Variants in SYNJ2 observed in about 807,000 individuals in gnomAD.
The protein encoded by SYNJ2 is polyphosphatidylinositol phosphatase SYNJ2.
In SYNJ2, 116 loss-of-function variants were observed where a neutral mutation model predicts 141.3. The observed-to-expected ratio is 0.82, with a 90% CI of 0.71 to 0.96. The LOEUF (loss-of-function observed/expected upper bound fraction) is 0.96. Ranked by LOEUF, SYNJ2 falls within the 40% of genes least tolerant of loss-of-function variation. The pLI is 0.00. For synonymous variants in SYNJ2, 745 were observed against 777.7 expected, an observed-to-expected ratio of 0.96 and a Z score of 0.70; for missense variants, 1,873 against 1,934.8, an observed-to-expected ratio of 0.97 and a Z score of 0.60.
At position 158,088,704 on chromosome 6, in the gene SYNJ2, T is replaced by C. The variant is rs1309371920; in HGVS notation, c.3388T>C (p.Ser1130Pro). The C allele has an allele frequency of 6.2e-7, 1 of 1,614,088 alleles. No homozygotes were observed. The highest frequency in any genetic ancestry group is 8.5e-7 in the Non-Finnish European group (1 of 1,180,000). ...KKSASDASIS[S>P]GTHGQYSILQ... ...GTCGGCTTCAGATGCGTCCATCTCC[T>C]CCGGCACCCATGGACAGTATTCAAT... The change falls in exon 24 of 27, where the codon TCC becomes CCC. Residue 1130 changes from serine to proline, a missense_variant. Ser to Pro is a moderately conservative substitution (Grantham distance 74). Transcript: ENST00000355585.
intron 1 of SYNJ2, among the ~76,000 whole-genome samples, chr6:158,006,722 G>A (rs1778084354): frequency 6.6e-6 from 1 of 152,194 alleles, no homozygotes; most frequent in Non-Finnish European, 1.5e-5. Context: ...GCCCTGGCTG[G>A]AGTGCAGTGG....
At position 158,095,990 on chromosome 6, in the gene SYNJ2, G is replaced by C. The variant is rs747415759; in HGVS notation, c.4117G>C (p.Ala1373Pro). ...TGACAGCCCCTCTGGGCACCCACCT[G>C]CCGCGGGCACCGTCTTCCCACAAGG... is the stretch of plus-strand genomic sequence containing the variant. ...SSDSPSGHPP[A>P]AGTVFPQGDF... Residue 1373 changes from alanine (A) to proline (P), a missense_variant, in exon 27 of 27, where the codon GCC becomes CCC. Coordinates refer to ENST00000355585, the MANE Select transcript of SYNJ2 (RefSeq NM_003898.4). 2.5e-6 allele frequency: 4 copies of C among 1,614,194 alleles called. No homozygotes were observed. The South Asian group carries it at 4.4e-5, about 18-fold the overall frequency.
chr6:158,061,730 C>T (rs1451852423), intron 7 of SYNJ2, among the ~76,000 whole-genome samples: 1 of 152,212 alleles, frequency 6.6e-6, no homozygotes, highest in African/African-American at 2.4e-5. Context: ...GGAAGCCACA[C>T]CTGCTCTGGC....
intron 2 of SYNJ2, chr6:158,026,727 G>GT: frequency 1.7e-6 from 1 of 595,326 alleles, no homozygotes; most frequent in East Asian, 1.4e-4. Context: ...ACGGAGTGAT[G>GT]TCATGCAAAA....
At chr6:157,990,136 T>C (rs1294499314) in intron 1 of SYNJ2, among the ~76,000 whole-genome samples, 1 of 152,218 alleles carries the variant, frequency 6.6e-6, no homozygotes, top group Non-Finnish European at 1.5e-5. Context: ...GAGCAGCGGA[T>C]TCACTGGGAG....
intron 22 of SYNJ2, 53 bp from the exon 23 acceptor site, chr6:158,086,802 C>T (rs1783064165): frequency 6.3e-7 from 1 of 1,587,164 alleles, no homozygotes; most frequent in Non-Finnish European, 8.6e-7. Context: ...CCGTGTCTGA[C>T]ACGCTCACGT....
chr6:158,047,805 A>C (rs1390133284), intron 5 of SYNJ2, among the ~76,000 whole-genome samples: 19 of 133,564 alleles, frequency 1.4e-4, no homozygotes, highest in Non-Finnish European at 2.3e-4. Context: ...AAAAAAAAAA[A>C]CACACAGTAT....
Position 158,051,001 on chromosome 6 carries a change from A to G in SYNJ2, c.796-3966A>G, listed in dbSNP as rs1288326944. On this transcript the variant is annotated intron_variant, in intron 5 of 26. Transcript: ENST00000355585. ...ACTGCTGACTGATAGTGCAGTTTAT[A>G]TGTTAACGGGGGAGCTATAGAGCCT... is the stretch of plus-strand genomic sequence containing the variant. Among the ~76,000 whole-genome samples, 5 of 151,984 alleles carry G rather than the reference A, an allele frequency of 3.3e-5. No homozygotes were observed. In the East Asian group the frequency reaches 7.7e-4, roughly 23 times the overall value.
intron 15 of SYNJ2, among the ~76,000 whole-genome samples, chr6:158,072,547 A>C (rs942047169): frequency 4.6e-5 from 7 of 152,174 alleles, no homozygotes; most frequent in Admixed American, 4.6e-4. Context: ...GGGTTGGGTC[A>C]CAGAGCTCTT....
At chr6:158,046,716 C>T (rs1233589272) in intron 5 of SYNJ2, among the ~76,000 whole-genome samples, 3 of 152,138 alleles carry the variant, frequency 2.0e-5, no homozygotes, top group Non-Finnish European at 2.9e-5. Flanking sequence ...TTCTAGCAGC[C>T]GTGTACCTTT....
At chr6:158,064,065 C>T (rs1781401583) in intron 9 of SYNJ2, among the ~76,000 whole-genome samples, 193 bp downstream of exon 9, 2 of 152,210 alleles carry the variant, frequency 1.3e-5, no homozygotes. Context: ...CTTTCTCTGT[C>T]GTAGGCACAC....
chr6:158,077,363 TCC>T (rs1020366921), intron 17 of SYNJ2, among the ~76,000 whole-genome samples: 1 of 151,542 alleles, frequency 6.6e-6, no homozygotes, highest in African/African-American at 2.4e-5. Flanking sequence ...GCATCACAGC[TCC>T]CCCCCACACC....
chr6:158,070,268 T>C lies in SYNJ2; in HGVS notation c.1940+595T>C. On this transcript the variant is annotated intron_variant, in intron 14 of 26. Coordinates refer to ENST00000355585, the MANE Select transcript of SYNJ2 (RefSeq NM_003898.4). This position sits in a 1 kb window ranked among gnomAD's most constrained non-coding sequence, Gnocchi z 4.0. ...TGGGCCTACCCATGGCTTTTGAATT[T>C]CCACCAGCCTTTCGGCGAGCTGGCA... is the stretch of plus-strand genomic sequence containing the variant. 1.0e-6 allele frequency: 1 copy of C among 985,428 alleles called. No homozygotes were observed. The highest frequency in any genetic ancestry group is 1.7e-5 in the African/African-American group (1 of 57,330). The allele number at this position is 985,428 out of a possible 1,614,324, so 61.0% of individuals were successfully genotyped here.
intron 1 of SYNJ2, among the ~76,000 whole-genome samples, chr6:158,003,309 C>T (rs755494473): frequency 2.2e-4 from 33 of 152,160 alleles, no homozygotes; most frequent in Admixed American, 1.6e-3. Flanking sequence ...TGTCTTGGCT[C>T]GCAGCTTCTG....
At chr6:158,065,031 G>A (rs1233379899) in intron 11 of SYNJ2, 40 bp downstream of exon 11, 14 of 1,484,074 alleles carry the variant, frequency 9.4e-6, no homozygotes, top group Admixed American at 2.3e-5. Context: ...GGGAGGTAGG[G>A]TGCTCCCCAG....
intron 2 of SYNJ2, among the ~76,000 whole-genome samples, chr6:158,019,448 G>A (rs1583328156): frequency 6.6e-6 from 1 of 152,214 alleles, no homozygotes; most frequent in African/African-American, 2.4e-5. Context: ...TCAGCTGTGG[G>A]AAATTGGTCC....
chr6:158,045,791 GC>G (rs1310932534), intron 5 of SYNJ2, among the ~76,000 whole-genome samples: 13 of 152,206 alleles, frequency 8.5e-5, no homozygotes, highest in Non-Finnish European at 1.8e-4. Flanking sequence ...CTCAGATGTA[GC>G]CTGACCCGCC....
intron 1 of SYNJ2, among the ~76,000 whole-genome samples, chr6:157,986,555 A>G (rs1044688939): frequency 2.0e-4 from 30 of 151,656 alleles, no homozygotes; most frequent in African/African-American, 6.5e-4. Context: ...GCTGGTCTCA[A>G]ACTCCTGGCC....
chr6:158,076,420 C>T (rs900247792), intron 16 of SYNJ2, among the ~76,000 whole-genome samples: 9 of 152,216 alleles, frequency 5.9e-5, no homozygotes, highest in East Asian at 1.9e-4. Context: ...GATACGAGGG[C>T]GGTGTGTCCC....
Sources: allele counts gnomAD v4.1 joint callset (sites outside exome capture counted in the v4.1 genomes callset), GRCh38; gene constraint gnomAD v4.1.1; non-coding constraint Gnocchi (gnomAD v3.1); transcripts MANE v1.5; gene names NCBI Gene and HGNC (gene_info 2026-07-23, HGNC 2026-07-21).